LRRC8B: variants seen among roughly 807,000 people sequenced by gnomAD.
The protein encoded by LRRC8B is volume-regulated anion channel subunit LRRC8B.
In LRRC8B, 23 loss-of-function variants were observed where a neutral mutation model predicts 58.8. The ratio of observed to expected loss-of-function variants is 0.39; its 90% CI spans 0.28 to 0.55. The LOEUF (loss-of-function observed/expected upper bound fraction) is 0.55, where lower values mean the gene tolerates loss of function less well. Ranked by LOEUF, LRRC8B falls within the 20% of genes least tolerant of loss-of-function variation. The pLI is 0.62. For missense variants in LRRC8B, 694 were observed against 936.0 expected (o/e 0.74, Z 3.37); for synonymous variants, 359 against 374.1 (o/e 0.96, Z 0.47).
intron 1 of LRRC8B, among the ~76,000 whole-genome samples, chr1:89,533,436 G>T (rs950048407): frequency 6.6e-6 from 1 of 152,180 alleles, no homozygotes; most frequent in Non-Finnish European, 1.5e-5. Flanking sequence ...AGGGAGGAAG[G>T]TTCTAGATAG....
chr1:89,554,322 C>A (rs771523179), intron 1 of LRRC8B, among the ~76,000 whole-genome samples: 13 of 152,128 alleles, frequency 8.5e-5, no homozygotes, highest in Admixed American at 6.6e-5. Context: ...TATTCCTTCA[C>A]CCCCTAACTA....
intron 5 of LRRC8B, among the ~76,000 whole-genome samples, 175 bp downstream of exon 5, chr1:89,584,964 G>T (rs1277244633): frequency 6.6e-6 from 1 of 152,170 alleles, no homozygotes; most frequent in Non-Finnish European, 1.5e-5. Context: ...ACAAGTCATC[G>T]TGGAGATTTT....
intron 1 of LRRC8B, among the ~76,000 whole-genome samples, chr1:89,560,853 G>C (rs1652591439): frequency 1.3e-5 from 2 of 152,140 alleles, no homozygotes; most frequent in South Asian, 2.1e-4. Flanking sequence ...ACATACGTGT[G>C]CATGTGTCTT....
intron 5 of LRRC8B, among the ~76,000 whole-genome samples, chr1:89,587,652 G>C (rs1570649647): frequency 6.6e-6 from 1 of 152,192 alleles, no homozygotes; most frequent in East Asian, 1.9e-4. Flanking sequence ...CCTATAAGAG[G>C]CATTTTAAAA....
chr1:89,582,326 G>T (rs552151935), intron 4 of LRRC8B, among the ~76,000 whole-genome samples: 2 of 152,304 alleles, frequency 1.3e-5, no homozygotes, highest in East Asian at 1.9e-4. Flanking sequence ...TAGTAGCCTA[G>T]CCTGGAGTTG....
At chr1:89,559,615 A>T (rs6692280) in intron 1 of LRRC8B, among the ~76,000 whole-genome samples, 12,579 of 141,236 alleles carry the variant, frequency 0.089, 848 homozygotes, top group African/African-American at 0.19. Flanking sequence ...AAAAAAAAAA[A>T]ATATATATAT....
chr1:89,571,978 A>G (rs567906726), intron 3 of LRRC8B, among the ~76,000 whole-genome samples: 143 of 152,192 alleles, frequency 9.4e-4, no homozygotes, highest in Admixed American at 2.6e-3. Context: ...TTCTGTCTCA[A>G]TGATCTGTCT....
chr1:89,541,884 T>C (rs531757546), intron 1 of LRRC8B, among the ~76,000 whole-genome samples: 1 of 152,114 alleles, frequency 6.6e-6, no homozygotes, highest in Non-Finnish European at 1.5e-5. Context: ...TCACACATTC[T>C]TCAGAACAGA....
In LRRC8B at chr1:89,582,638, A is replaced by T; in HGVS notation, c.-13A>T. ...TCCCTCTTCCAGTTTCTGTCCTCCT[A>T]CAAGGGAAAGTCATGATTACACTAA... On this transcript the variant is annotated 5_prime_UTR_variant, in exon 5 of 6. Coordinates refer to ENST00000330947, the MANE Select transcript of LRRC8B (RefSeq NM_001369817.2). 1.3e-6 allele frequency: 2 copies of T among 1,594,530 alleles called. No individual in the cohort carries two copies. The highest frequency in any genetic ancestry group is 1.7e-6 in the Non-Finnish European group (2 of 1,163,602).
At chr1:89,574,190 T>C (rs1653669944) in intron 3 of LRRC8B, among the ~76,000 whole-genome samples, 3 of 152,258 alleles carry the variant, frequency 2.0e-5, no homozygotes, top group Admixed American at 2.0e-4. Flanking sequence ...TTCTGAGTAT[T>C]CTAGCATTCC....
rs77386561 is a variant in LRRC8B at position 89,530,980 on chromosome 1, G to A, written c.-241+5958G>A. 1.5e-3 allele frequency among the ~76,000 whole-genome samples: 231 copies of A among 152,246 alleles called. 2 individuals are homozygous for A. Among genetic ancestry groups the A allele is most frequent in the South Asian group, 5.6e-3 (27 of 4,822 alleles). ...CACTCTACTTCCATGCATCTTCCAC[G>A]TATTGTGGTATTTTCCATGTATTGT... On this transcript the variant is annotated intron_variant, in intron 1 of 5. Coordinates refer to ENST00000330947, the MANE Select transcript of LRRC8B (RefSeq NM_001369817.2).
intron 1 of LRRC8B, among the ~76,000 whole-genome samples, chr1:89,544,811 T>G (rs989466981): frequency 5.3e-5 from 8 of 152,194 alleles, no homozygotes; most frequent in African/African-American, 1.7e-4. Context: ...CAGTTTGATA[T>G]GAATGATTTT....
intron 1 of LRRC8B, among the ~76,000 whole-genome samples, chr1:89,560,113 A>G (rs1258362142): frequency 6.6e-6 from 1 of 152,208 alleles, no homozygotes; most frequent in Non-Finnish European, 1.5e-5. Flanking sequence ...GTGAGATGAC[A>G]AGGCCAACAT....
chr1:89,552,336 A>G (rs574623496), intron 1 of LRRC8B, among the ~76,000 whole-genome samples: 1 of 152,290 alleles, frequency 6.6e-6, no homozygotes, highest in Non-Finnish European at 1.5e-5. Flanking sequence ...TCCTTGGAAT[A>G]AGAGATATGG....
intron 1 of LRRC8B, among the ~76,000 whole-genome samples, chr1:89,537,293 T>A (rs1276993377): frequency 1.3e-5 from 2 of 151,878 alleles, no homozygotes; most frequent in African/African-American, 2.4e-5. Flanking sequence ...GTAGCTAGAG[T>A]GTTTCTCCTG....
intron 1 of LRRC8B, among the ~76,000 whole-genome samples, chr1:89,565,358 A>G (rs1379159430): frequency 6.6e-6 from 1 of 151,326 alleles, no homozygotes; most frequent in Non-Finnish European, 1.5e-5. Context: ...CCAGTGTCCA[A>G]CACTGATTCA....
chr1:89,596,691 A>T lies in LRRC8B; in HGVS notation c.*3648A>T, dbSNP rs1655324013. ...ATAAGGTATGTTGTTTTCCTTCTCC[A>T]CTCACCTACCGCACTAAATTTGATC... On this transcript the variant is annotated 3_prime_UTR_variant, in exon 6 of 6. Coordinates refer to ENST00000330947, the MANE Select transcript of LRRC8B (RefSeq NM_001369817.2). The T allele has an allele frequency of 6.6e-6, 1 of 151,924 alleles. No individual in the cohort carries two copies. Among genetic ancestry groups the T allele is most frequent in the Non-Finnish European group, 1.5e-5 (1 of 67,968 alleles). 9.4% of individuals were successfully genotyped at this position (151,924 alleles called of 1,614,324 possible).
intron 1 of LRRC8B, among the ~76,000 whole-genome samples, chr1:89,533,929 C>T (rs1650331098): frequency 6.6e-6 from 1 of 152,166 alleles, no homozygotes. Flanking sequence ...TGATAGGTAT[C>T]AGTTGAATAG....
chr1:89,557,702 A>G (rs1652293108), intron 1 of LRRC8B, among the ~76,000 whole-genome samples: 1 of 152,132 alleles, frequency 6.6e-6, no homozygotes, highest in African/African-American at 2.4e-5. Flanking sequence ...ACAAAATGAG[A>G]CTGTACTCAG....
Sources: allele counts gnomAD v4.1 joint callset (sites outside exome capture counted in the v4.1 genomes callset), GRCh38; gene constraint gnomAD v4.1.1; transcripts MANE v1.5; gene names NCBI Gene and HGNC (gene_info 2026-07-23, HGNC 2026-07-21).